NKAIN2: variants seen among roughly 807,000 people sequenced by gnomAD.
NKAIN2 encodes sodium/potassium transporting ATPase interacting 2.
A neutral mutation model predicts 32.6 loss-of-function variants in NKAIN2; 14 were observed. That is an observed-to-expected ratio of 0.43 (90% CI 0.28 to 0.67). The LOEUF is 0.67. Among genes scored for constraint, NKAIN2 ranks in the 30% least tolerant of loss-of-function variants. The pLI is 0.17. For synonymous variants in NKAIN2, 80 were observed against 87.2 expected, an observed-to-expected ratio of 0.92 and a Z score of 0.46; for missense variants, 198 against 258.3, an observed-to-expected ratio of 0.77 and a Z score of 1.60.
chr6:124,521,258 A>G (rs1398268945), intron 3 of NKAIN2, among the ~76,000 whole-genome samples: 1 of 152,326 alleles, frequency 6.6e-6, no homozygotes, highest in Admixed American at 6.5e-5. Context: ...TACCATTAGT[A>G]TGATGTTGAC....
chr6:124,745,506 A>G (rs1463737884), intron 4 of NKAIN2, among the ~76,000 whole-genome samples: 1 of 151,932 alleles, frequency 6.6e-6, no homozygotes, highest in Non-Finnish European at 1.5e-5. Flanking sequence ...AATCTGTAAT[A>G]ATTTTAAATT....
intron 1 of NKAIN2, among the ~76,000 whole-genome samples, chr6:123,831,454 C>CTT (rs34291249): frequency 0.31 from 45,492 of 144,584 alleles, 8,290 homozygotes; most frequent in East Asian, 0.48. Flanking sequence ...AGTTTTAACT[C>CTT]TTTTTTTTTT....
chr6:124,815,232 A>ATATATATATGTATATATATATGTG (rs1781100582), intron 5 of NKAIN2, among the ~76,000 whole-genome samples: 1 of 142,254 alleles, frequency 7.0e-6, no homozygotes, highest in Non-Finnish European at 1.5e-5. Context: ...ATACATATAT[A>ATATATATATGTATATATATATGTG]TATATATATG....
chr6:124,659,362 G>C (rs1387865677), intron 4 of NKAIN2, among the ~76,000 whole-genome samples: 1 of 151,914 alleles, frequency 6.6e-6, no homozygotes, highest in Non-Finnish European at 1.5e-5. Context: ...ATAAATAATA[G>C]TTTCTGGGTA....
At chr6:124,002,013 A>G (rs925995833) in intron 1 of NKAIN2, among the ~76,000 whole-genome samples, 1 of 152,038 alleles carries the variant, frequency 6.6e-6, no homozygotes, top group Non-Finnish European at 1.5e-5. Flanking sequence ...GGAATGCACT[A>G]GAGTGCTATA....
At chr6:124,327,599 T>C (rs901023377) in intron 2 of NKAIN2, among the ~76,000 whole-genome samples, 1 of 152,162 alleles carries the variant, frequency 6.6e-6, no homozygotes, top group Non-Finnish European at 1.5e-5. Flanking sequence ...ATAATAATAG[T>C]ATCTACTAAA....
chr6:124,477,338 T>A lies in NKAIN2; in HGVS notation c.273+121991T>A, dbSNP rs77964476. 4.3e-3 allele frequency among the ~76,000 whole-genome samples: 661 copies of A among 152,256 alleles called. 9 individuals are homozygous for A. Among genetic ancestry groups the A allele is most frequent in the African/African-American group, 0.015 (636 of 41,558 alleles). On this transcript the variant is annotated intron_variant, in intron 3 of 6. Transcript: ENST00000368417. Reference sequence around the variant, plus strand: ...TCTATCCCTAGAGTCTTCCACAGTGTCTGGACATTGGGAGGGAGAAGGGAG... The same window carrying A: ...TCTATCCCTAGAGTCTTCCACAGTGACTGGACATTGGGAGGGAGAAGGGAG...
intron 3 of NKAIN2, among the ~76,000 whole-genome samples, chr6:124,384,597 G>A (rs1420419384): frequency 6.6e-6 from 1 of 151,062 alleles, no homozygotes; most frequent in Non-Finnish European, 1.5e-5. Flanking sequence ...ATACACAATT[G>A]CTTACAATAG....
At chr6:123,881,967 TGCC>T (rs985909391) in intron 1 of NKAIN2, among the ~76,000 whole-genome samples, 3 of 152,122 alleles carry the variant, frequency 2.0e-5, no homozygotes, top group Non-Finnish European at 4.4e-5. Flanking sequence ...AATAGAAGGG[TGCC>T]GTATCTTAAA....
At chr6:124,466,021 A>G (rs1294319857) in intron 3 of NKAIN2, among the ~76,000 whole-genome samples, 1 of 152,130 alleles carries the variant, frequency 6.6e-6, no homozygotes, top group East Asian at 1.9e-4. Context: ...ATTTTTTTAA[A>G]TCATTAACCA....
At position 124,583,305 on chromosome 6, in the gene NKAIN2, AG is replaced by A. The variant is rs111697503; in HGVS notation, c.274-74880del. Among the ~76,000 whole-genome samples the A allele has an allele frequency of 1.7e-3, 265 of 152,184 alleles. 1 individual carries two copies. The highest frequency in any genetic ancestry group is 5.2e-3 in the African/African-American group (218 of 41,562). On this transcript the variant is annotated intron_variant, in intron 3 of 6. Coordinates refer to ENST00000368417, the MANE Select transcript of NKAIN2 (RefSeq NM_001040214.3). ...GATACAAAATCAACATATAAAAATC[AG>A]TAGCATTTATATAGCCAACAACAAA... is the stretch of plus-strand genomic sequence containing the variant.
intron 1 of NKAIN2, among the ~76,000 whole-genome samples, chr6:123,949,325 T>G (rs960460231): frequency 3.9e-5 from 6 of 152,012 alleles, no homozygotes; most frequent in African/African-American, 1.4e-4. Flanking sequence ...GTATTTTTTC[T>G]ATGTCTGTGA....
intron 1 of NKAIN2, among the ~76,000 whole-genome samples, chr6:123,970,047 C>A (rs962257841): frequency 3.3e-5 from 5 of 151,642 alleles, no homozygotes; most frequent in African/African-American, 7.3e-5. Context: ...GATATGAGAG[C>A]AGAATTGTAC....
At chr6:123,823,212 A>G (rs1773997229) in intron 1 of NKAIN2, 1 of 152,214 alleles carries the variant, frequency 6.6e-6, no homozygotes, top group African/African-American at 2.4e-5. Context: ...AACACTTTTG[A>G]CATAACAGTA....
At chr6:124,192,696 T>C (rs1790078236) in intron 1 of NKAIN2, among the ~76,000 whole-genome samples, 3 of 150,756 alleles carry the variant, frequency 2.0e-5, no homozygotes, top group African/African-American at 7.3e-5. Flanking sequence ...AGGATTTTAA[T>C]ACTACCAATT....
chr6:124,360,490 C>A (rs1426688355), intron 3 of NKAIN2, among the ~76,000 whole-genome samples: 1 of 151,978 alleles, frequency 6.6e-6, no homozygotes, highest in Non-Finnish European at 1.5e-5. Flanking sequence ...TTTCTTTGTA[C>A]ACATAGAGGT....
At chr6:124,469,757 G>T (rs2114669547) in intron 3 of NKAIN2, among the ~76,000 whole-genome samples, 1 of 152,218 alleles carries the variant, frequency 6.6e-6, no homozygotes, top group African/African-American at 2.4e-5. Flanking sequence ...AAATCCCAGA[G>T]ATCCACAATA....
chr6:124,493,457 T>C (rs962491040), intron 3 of NKAIN2, among the ~76,000 whole-genome samples: 1 of 151,898 alleles, frequency 6.6e-6, no homozygotes, highest in Admixed American at 6.6e-5. Context: ...CCAAACCATA[T>C]TAGACGAGCT....
intron 1 of NKAIN2, among the ~76,000 whole-genome samples, chr6:124,217,442 A>G (rs548917615): frequency 2.9e-4 from 44 of 152,240 alleles, no homozygotes; most frequent in African/African-American, 9.6e-4. Flanking sequence ...GAGAAAAAAA[A>G]AAGTCTTTCA....
Sources: allele counts gnomAD v4.1 joint callset (sites outside exome capture counted in the v4.1 genomes callset), GRCh38; gene constraint gnomAD v4.1.1; transcripts MANE v1.5; gene names NCBI Gene and HGNC (gene_info 2026-07-23, HGNC 2026-07-21).